The following FNBP1 variants were observed in gnomAD, a reference collection of about 807,000 sequenced individuals.
FNBP1 encodes the protein formin binding protein 1.
Under a neutral mutation model 90.6 loss-of-function variants are expected in FNBP1, and 26 were observed. The ratio of observed to expected loss-of-function variants is 0.29; its 90% confidence interval spans 0.21 to 0.40. FNBP1 has a LOEUF of 0.40. FNBP1 is among the 10% of genes least tolerant of loss of function. The pLI, the probability that FNBP1 is intolerant of heterozygous loss-of-function variation, is 1.00. For synonymous variants in FNBP1, 260 were observed against 265.2 expected, an observed-to-expected ratio of 0.98 and a Z score of 0.19; for missense variants, 635 against 768.0, an observed-to-expected ratio of 0.83 and a Z score of 2.05.
At chr9:129,946,841 G>A (rs2045366481) in intron 6 of FNBP1, among the ~76,000 whole-genome samples, 1 of 152,172 alleles carries the variant, frequency 6.6e-6, no homozygotes, top group Admixed American at 6.5e-5. Context: ...TGCCTGACAT[G>A]GATGAACTCA....
intron 1 of FNBP1, among the ~76,000 whole-genome samples, chr9:130,025,030 A>G (rs568417505): frequency 1.3e-5 from 2 of 152,212 alleles, no homozygotes; most frequent in South Asian, 4.2e-4. Flanking sequence ...AAATACAAAA[A>G]TTAGCCGGGC....
chr9:129,920,831 T>C (rs1285340283), intron 10 of FNBP1, among the ~76,000 whole-genome samples: 1 of 152,148 alleles, frequency 6.6e-6, no homozygotes, highest in Non-Finnish European at 1.5e-5. Context: ...ATATAACACA[T>C]GAGTGCTTGG....
intron 3 of FNBP1, 113 bp downstream of exon 3, chr9:129,979,205 C>A: frequency 1.6e-6 from 1 of 614,740 alleles, no homozygotes; most frequent in South Asian, 2.5e-5. Flanking sequence ...TAAAAACTGA[C>A]ACAAAATGAA....
At chr9:129,932,834 T>C (rs772361423) in intron 6 of FNBP1, among the ~76,000 whole-genome samples, 10 of 152,108 alleles carry the variant, frequency 6.6e-5, no homozygotes, top group African/African-American at 2.4e-4. Flanking sequence ...CAACACACAG[T>C]AGCCCTCCTC....
intron 7 of FNBP1, among the ~76,000 whole-genome samples, chr9:129,929,333 C>A (rs2042372605): frequency 6.7e-6 from 1 of 148,772 alleles, no homozygotes; most frequent in Admixed American, 6.8e-5. Context: ...TCACTTGAAC[C>A]TAGGAGGCAG....
At chr9:130,034,724 G>T (rs77593354) in intron 1 of FNBP1, among the ~76,000 whole-genome samples, 184 of 152,302 alleles carry the variant, frequency 1.2e-3, no homozygotes, top group African/African-American at 4.0e-3. Context: ...GCATTTAGTG[G>T]TGTGAGTCAT....
rs80257199 is a variant in FNBP1, at chr9:129,945,702, T to A, written c.513+11658A>T. The stretch of plus-strand genomic sequence containing the variant: ...GCTTCACAGAGTTGGCAACACTGAT[T>A]CCAACCGAAGAAAACCTAAACTACT... On this transcript the variant is annotated intron_variant, in intron 6 of 16. Coordinates refer to ENST00000446176, the MANE Select transcript of FNBP1 (RefSeq NM_015033.3). Among the ~76,000 whole-genome samples, 946 of 152,314 alleles carry A rather than the reference T, an allele frequency of 6.2e-3. 10 individuals are homozygous for A. The highest frequency in any genetic ancestry group is 0.02 in the African/African-American group (828 of 41,568).
At chr9:129,917,054 C>T (rs2040369383) in intron 10 of FNBP1, among the ~76,000 whole-genome samples, 1 of 152,104 alleles carries the variant, frequency 6.6e-6, no homozygotes, top group African/African-American at 2.4e-5. Context: ...ACACTATCGC[C>T]CAGGCAGGAG....
intron 1 of FNBP1, chr9:130,014,062 G>A: frequency 2.2e-6 from 1 of 456,520 alleles, no homozygotes; most frequent in Non-Finnish European, 4.4e-6. Flanking sequence ...TCCAAAAATA[G>A]GCAAAACTAA....
At chr9:129,965,052 C>CGTA (rs955794637) in intron 4 of FNBP1, among the ~76,000 whole-genome samples, 3 of 152,086 alleles carry the variant, frequency 2.0e-5, no homozygotes, top group Non-Finnish European at 4.4e-5. Flanking sequence ...AAACTCACAG[C>CGTA]GTAGTAGTGG....
intron 1 of FNBP1, among the ~76,000 whole-genome samples, chr9:130,038,261 T>C (rs1378138121): frequency 2.7e-5 from 4 of 146,808 alleles, no homozygotes; most frequent in African/African-American, 1.0e-4. Flanking sequence ...AGGCTGAGGC[T>C]GGAGAATGGC....
chr9:129,900,238 G>T lies in FNBP1; in HGVS notation c.1551-137C>A. On this transcript the variant is annotated intron_variant, in intron 14 of 16. Transcript: ENST00000446176. This position sits in a 1 kb window ranked among gnomAD's most constrained non-coding sequence, Gnocchi z 4.1. ...GTAACTGAGGCCATGGTAAATCATC[G>T]CACGCTCAGATCACCCATCCCATGT... 2.6e-6 allele frequency: 3 copies of T among 1,149,506 alleles called. No individual in the cohort carries two copies. Among genetic ancestry groups the T allele is most frequent in the South Asian group, 1.8e-5 (1 of 55,866 alleles). The allele number at this position is 1,149,506 out of a possible 1,614,324, so 71.2% of individuals were successfully genotyped here. A position where few individuals can be genotyped will look rare whatever the true frequency, so the allele number is the denominator to read the frequency against.
chr9:130,000,270 C>G (rs553978379), intron 1 of FNBP1, among the ~76,000 whole-genome samples: 5 of 152,198 alleles, frequency 3.3e-5, no homozygotes, highest in African/African-American at 1.2e-4. Context: ...GCAGGCGGGT[C>G]GTCTGAGGTT....
At chr9:129,944,964 G>A (rs1408395019) in intron 6 of FNBP1, among the ~76,000 whole-genome samples, 1 of 152,162 alleles carries the variant, frequency 6.6e-6, no homozygotes, top group Non-Finnish European at 1.5e-5. Context: ...TAAGTGCCAA[G>A]TGTTGAAGCT....
intron 4 of FNBP1, among the ~76,000 whole-genome samples, chr9:129,965,112 T>C (rs971037232): frequency 2.0e-4 from 30 of 152,214 alleles, no homozygotes; most frequent in African/African-American, 6.0e-4. Flanking sequence ...CCAGTTTTAA[T>C]TGAGCTAGAA....
chr9:129,965,686 ACACACACACACGCGCGCGCGCG>A (rs764742748), intron 4 of FNBP1, among the ~76,000 whole-genome samples: 312 of 7,616 alleles, frequency 0.041, 5 homozygotes, highest in Non-Finnish European at 0.31. Context: ...CTCTTAAAAC[ACACACACACACGCGCGCGCGCG>A]CACACACACA....
chr9:129,901,654 G>C (rs1367858186), intron 13 of FNBP1, among the ~76,000 whole-genome samples: 2 of 152,118 alleles, frequency 1.3e-5, no homozygotes, highest in African/African-American at 4.8e-5. Flanking sequence ...GCTCACGCCT[G>C]TAATCCCAGC....
chr9:130,005,062 C>CAAAAAAAAAAAAAAAAA (rs573686773), intron 1 of FNBP1, among the ~76,000 whole-genome samples: 1 of 92,840 alleles, frequency 1.1e-5, no homozygotes, highest in African/African-American at 4.3e-5. Flanking sequence ...AAGACTGTCT[C>CAAAAAAAAAAAAAAAAA]AAAAAAAAAA....
At chr9:130,027,718 T>C (rs1564611271) in intron 1 of FNBP1, among the ~76,000 whole-genome samples, 1 of 152,096 alleles carries the variant, frequency 6.6e-6, no homozygotes, top group East Asian at 1.9e-4. Context: ...CTGGAAGCCC[T>C]TCACTCATAT....
Sources: gnomAD v4.1 joint callset for allele counts (sites outside exome capture counted in the v4.1 genomes callset) on GRCh38, gnomAD v4.1.1 for gene constraint, Gnocchi (gnomAD v3.1) non-coding constraint, MANE v1.5 for transcripts, NCBI Gene and HGNC (gene_info 2026-07-23, HGNC 2026-07-21) for gene names.